The following IGFL2 variants were observed in gnomAD, a reference collection of about 807,000 sequenced individuals.
IGFL2 encodes the protein insulin growth factor-like family member 2.
Under a neutral mutation model 13.9 loss-of-function variants are expected in IGFL2, and 7 were observed. That is an observed-to-expected ratio of 0.51 (90% CI 0.29 to 0.95). IGFL2 has a LOEUF of 0.95. Among genes scored for constraint, IGFL2 ranks in the 40% least tolerant of loss-of-function variants. The probability of loss-of-function intolerance (pLI) is 0.08; values close to 1 mark genes in which losing one functional copy is unlikely to be tolerated. For synonymous variants in IGFL2, 55 were observed against 55.8 expected (o/e 0.99, Z 0.07); for missense variants, 138 against 147.8 (o/e 0.93, Z 0.34).
chr19:46,174,668 G>A, the IGFL2 span, among the ~76,000 whole-genome samples: 1 of 152,154 alleles, frequency 6.6e-6, no homozygotes, highest in African/African-American at 2.4e-5. Flanking sequence ...CCTCACACTT[G>A]ATATCCTCTG....
chr19:46,139,762 A>G (rs1191827831), upstream of IGFL2, among the ~76,000 whole-genome samples: 2 of 152,220 alleles, frequency 1.3e-5, no homozygotes, highest in Non-Finnish European at 2.9e-5. Flanking sequence ...AAGGAGAACA[A>G]AAAATCAGAA....
upstream of IGFL2, among the ~76,000 whole-genome samples, chr19:46,139,435 C>CTATGTGCA (rs1328017518): frequency 4.6e-5 from 7 of 151,846 alleles, no homozygotes; most frequent in African/African-American, 1.7e-4. Flanking sequence ...TGTAAGAAAT[C>CTATGTGCA]TATGTTACAT....
chr19:46,082,362 G>C, the IGFL2 span, among the ~76,000 whole-genome samples: 1 of 152,188 alleles, frequency 6.6e-6, no homozygotes, highest in Non-Finnish European at 1.5e-5. Flanking sequence ...GCCTTTTGGG[G>C]CAAGGTGTTT....
At chr19:46,186,350 G>A in the IGFL2 span, among the ~76,000 whole-genome samples, 6 of 152,198 alleles carry the variant, frequency 3.9e-5, no homozygotes, top group South Asian at 4.1e-4. Context: ...GTTTTCTCTG[G>A]CGCTCCGGAG....
the IGFL2 span, chr19:46,195,266 C>G: frequency 6.6e-6 from 1 of 152,636 alleles, no homozygotes; most frequent in Admixed American, 6.6e-5. Context: ...ATCCTCTCAC[C>G]TCGGCCTCCC....
At chr19:46,151,306 T>C (rs987325936) in intron 1 of IGFL2, among the ~76,000 whole-genome samples, 19 of 152,362 alleles carry the variant, frequency 1.2e-4, no homozygotes, top group East Asian at 1.9e-4. Flanking sequence ...CTGCCCACTC[T>C]TTTGTGTATG....
At chr19:46,086,497 T>C in the IGFL2 span, among the ~76,000 whole-genome samples, 1 of 152,120 alleles carries the variant, frequency 6.6e-6, no homozygotes, top group Non-Finnish European at 1.5e-5. Flanking sequence ...CTAATTTTTG[T>C]ATTTTTAGTA....
At chr19:46,151,399 A>T (rs138330173) in intron 1 of IGFL2, among the ~76,000 whole-genome samples, 212 of 152,156 alleles carry the variant, frequency 1.4e-3, no homozygotes, top group African/African-American at 4.8e-3. Context: ...TTGAAATTTG[A>T]TTTCAACAAA....
At chr19:46,124,386 C>T in the IGFL2 span, 1 of 1,494,456 alleles carries the variant, frequency 6.7e-7, no homozygotes, top group South Asian at 1.1e-5. Flanking sequence ...AAAAAACAAA[C>T]AAACAAACAA....
upstream of IGFL2, among the ~76,000 whole-genome samples, chr19:46,146,215 C>T (rs530589903): frequency 1.5e-3 from 228 of 151,480 alleles, 1 homozygote; most frequent in Admixed American, 3.5e-3. Flanking sequence ...ACTATCTTTT[C>T]CCCCATTGAA....
intron 1 of IGFL2, among the ~76,000 whole-genome samples, chr19:46,157,105 C>T (rs1973866729): frequency 6.6e-6 from 1 of 152,106 alleles, no homozygotes; most frequent in Non-Finnish European, 1.5e-5. Flanking sequence ...AGCCTTATAA[C>T]TATTAAGGAA....
At chr19:46,095,575 G>A in the IGFL2 span, among the ~76,000 whole-genome samples, 1 of 152,150 alleles carries the variant, frequency 6.6e-6, no homozygotes, top group African/African-American at 2.4e-5. Context: ...ACTGCTTTTG[G>A]TGTTTTGGTC....
the IGFL2 span, among the ~76,000 whole-genome samples, chr19:46,137,767 A>G: frequency 1.3e-5 from 2 of 152,216 alleles, no homozygotes; most frequent in Non-Finnish European, 2.9e-5. Flanking sequence ...TCAAAGAACC[A>G]GTCTTTGAGC....
At chr19:46,148,801 G>GCTCATCAGCTCTGACT (rs1973281296) in intron 1 of IGFL2, 2 of 1,426,932 alleles carry the variant, frequency 1.4e-6, no homozygotes, top group Non-Finnish European at 1.8e-6. Flanking sequence ...TCCCCTGCCA[G>GCTCATCAGCTCTGACT]CTCATCAGCT....
At chr19:46,169,587 T>C in the IGFL2 span, among the ~76,000 whole-genome samples, 3 of 152,222 alleles carry the variant, frequency 2.0e-5, no homozygotes, top group Admixed American at 1.3e-4. Flanking sequence ...ATAATGCCTT[T>C]ATTTAAATAA....
chr19:46,135,137 A>T, the IGFL2 span, among the ~76,000 whole-genome samples: 1 of 152,216 alleles, frequency 6.6e-6, no homozygotes, highest in African/African-American at 2.4e-5. Context: ...TTTCACACAG[A>T]TTCTCATAAT....
chr19:46,193,039 A>C, the IGFL2 span, among the ~76,000 whole-genome samples: 1 of 152,032 alleles, frequency 6.6e-6, no homozygotes, highest in Admixed American at 6.6e-5. Context: ...AAAAATTACA[A>C]AAATTAGCCG....
chr19:46,161,121 GGC>G lies in IGFL2; in HGVS notation c.*34_*35del. 6.4e-7 allele frequency: 1 copy of G among 1,551,242 alleles called. No homozygotes were observed. The highest frequency in any genetic ancestry group is 1.8e-5 in the Admixed American group (1 of 54,172). On this transcript the variant is annotated 3_prime_UTR_variant, in exon 4 of 4. Coordinates refer to ENST00000377693, the MANE Select transcript of IGFL2 (RefSeq NM_001135113.2). ...TAGAAAGAAAATCAACTTTCACTAA[GGC>G]ATCTCAGAAACATAGGCTAAGGTAA...
chr19:46,142,024 A>G (rs368530621), upstream of IGFL2, among the ~76,000 whole-genome samples: 4 of 152,116 alleles, frequency 2.6e-5, no homozygotes, highest in East Asian at 1.9e-4. Flanking sequence ...GTTTCCAATA[A>G]TACTCTCATA....
Sources: allele counts gnomAD v4.1 joint callset (sites outside exome capture counted in the v4.1 genomes callset), GRCh38; gene constraint gnomAD v4.1.1; transcripts MANE v1.5; gene names NCBI Gene and HGNC (gene_info 2026-07-23, HGNC 2026-07-21).